KIAA0825: variants seen among roughly 807,000 people sequenced by gnomAD.
KIAA0825 encodes the protein uncharacterized protein KIAA0825.
Under a neutral mutation model 147.6 loss-of-function variants are expected in KIAA0825, and 119 were observed. The observed-to-expected ratio is 0.81, with a 90% CI of 0.69 to 0.94. KIAA0825 has a LOEUF of 0.94. KIAA0825 is among the 40% of genes least tolerant of loss of function. The pLI is 0.00. For missense variants in KIAA0825, 1,381 were observed against 1,472.7 expected, an observed-to-expected ratio of 0.94 and a Z score of 1.02; for synonymous variants, 470 against 518.1, an observed-to-expected ratio of 0.91 and a Z score of 1.26.
intron 20 of KIAA0825, among the ~76,000 whole-genome samples, chr5:94,164,784 G>T (rs1767887487): frequency 6.6e-6 from 1 of 152,038 alleles, no homozygotes; most frequent in Admixed American, 6.6e-5. Flanking sequence ...AATAAATGGT[G>T]CTGGGAAAAC....
intron 20 of KIAA0825, among the ~76,000 whole-genome samples, chr5:94,286,336 ACCT>A (rs995941655): frequency 2.4e-4 from 37 of 151,964 alleles, no homozygotes; most frequent in African/African-American, 8.9e-4. Context: ...TGCCACTCCC[ACCT>A]CCTATTCATC....
At chr5:94,452,351 G>A (rs17326131) in intron 13 of KIAA0825, among the ~76,000 whole-genome samples, 13,939 of 152,160 alleles carry the variant, frequency 0.092, 686 homozygotes, top group Middle Eastern at 0.14. Context: ...AAGAATGTAT[G>A]GGGATTAACA....
intron 1 of KIAA0825, among the ~76,000 whole-genome samples, chr5:94,608,075 C>T (rs1787818491): frequency 6.6e-6 from 1 of 151,728 alleles, no homozygotes; most frequent in Non-Finnish European, 1.5e-5. Flanking sequence ...ACCTTAATTC[C>T]CCTTGGCCAT....
intron 20 of KIAA0825, among the ~76,000 whole-genome samples, chr5:94,154,602 CT>C (rs1304291926): frequency 1.1e-4 from 16 of 152,044 alleles, no homozygotes; most frequent in African/African-American, 3.9e-4. Context: ...CAGTGTATTT[CT>C]TGAAATAAGA....
At chr5:94,218,925 G>C (rs1422925026) in intron 20 of KIAA0825, among the ~76,000 whole-genome samples, 2 of 151,958 alleles carry the variant, frequency 1.3e-5, no homozygotes, top group Admixed American at 6.6e-5. Flanking sequence ...ATTCAGCTTT[G>C]GGGTCTTATT....
chr5:94,373,052 C>G (rs2150466972), intron 20 of KIAA0825, among the ~76,000 whole-genome samples: 1 of 152,304 alleles, frequency 6.6e-6, no homozygotes, highest in Non-Finnish European at 1.5e-5. Flanking sequence ...TCTTGGACCA[C>G]CTCAGCCTGG....
At chr5:94,423,850 G>T (rs919217475) in intron 14 of KIAA0825, among the ~76,000 whole-genome samples, 1 of 152,090 alleles carries the variant, frequency 6.6e-6, no homozygotes, top group African/African-American at 2.4e-5. Flanking sequence ...AGTATCACAA[G>T]AAAATTATTT....
intron 5 of KIAA0825, among the ~76,000 whole-genome samples, chr5:94,516,326 A>G (rs1374486179): frequency 6.6e-6 from 1 of 152,214 alleles, no homozygotes; most frequent in African/African-American, 2.4e-5. Context: ...AGCACAGCAT[A>G]GCACAAATAG....
At chr5:94,191,895 T>C (rs900079216) in intron 20 of KIAA0825, among the ~76,000 whole-genome samples, 7 of 152,216 alleles carry the variant, frequency 4.6e-5, no homozygotes, top group Non-Finnish European at 8.8e-5. Context: ...TACAGATAAA[T>C]GTCTCCCTAT....
intron 20 of KIAA0825, among the ~76,000 whole-genome samples, chr5:94,206,906 C>T (rs977557952): frequency 9.2e-5 from 14 of 152,080 alleles, no homozygotes; most frequent in African/African-American, 2.4e-4. Flanking sequence ...GAGGAACTCG[C>T]GGAAGATCAA....
intron 20 of KIAA0825, among the ~76,000 whole-genome samples, chr5:94,298,932 T>A (rs1301710461): frequency 3.9e-5 from 6 of 152,230 alleles, no homozygotes; most frequent in Middle Eastern, 6.8e-3. Context: ...TTTTATCAGC[T>A]CTTAGGATAG....
chr5:94,283,715 G>C (rs1432717265), intron 20 of KIAA0825, among the ~76,000 whole-genome samples: 2 of 152,044 alleles, frequency 1.3e-5, no homozygotes, highest in Non-Finnish European at 2.9e-5. Flanking sequence ...TTCTCAGTGA[G>C]TCCAATTAGT....
At chr5:94,209,385 T>G (rs1398159401) in intron 20 of KIAA0825, among the ~76,000 whole-genome samples, 1 of 152,208 alleles carries the variant, frequency 6.6e-6, no homozygotes, top group African/African-American at 2.4e-5. Flanking sequence ...CTAAAAATTC[T>G]GTAGTTTGCA....
chr5:94,518,244 A>AACAAC (rs1767574909), intron 5 of KIAA0825, among the ~76,000 whole-genome samples: 1 of 152,198 alleles, frequency 6.6e-6, no homozygotes, highest in African/African-American at 2.4e-5. Context: ...AATATTAGTG[A>AACAAC]ACAACATAGC....
chr5:94,288,758 AAAC>A (rs1346061969), intron 20 of KIAA0825, among the ~76,000 whole-genome samples: 1 of 152,208 alleles, frequency 6.6e-6, no homozygotes, highest in Non-Finnish European at 1.5e-5. Flanking sequence ...TTGCCAAGTC[AAAC>A]AACGTGCCAA....
chr5:94,308,720 T>C (rs1392272554), intron 20 of KIAA0825, among the ~76,000 whole-genome samples: 3 of 151,766 alleles, frequency 2.0e-5, no homozygotes, highest in Non-Finnish European at 2.9e-5. Flanking sequence ...CACTGTGCAG[T>C]GTCTCCTTCC....
intron 2 of KIAA0825, among the ~76,000 whole-genome samples, chr5:94,579,640 G>A (rs192767730): frequency 6.6e-6 from 1 of 152,256 alleles, no homozygotes; most frequent in Non-Finnish European, 1.5e-5. Flanking sequence ...CATAAAGCTG[G>A]CTTGGTCTAT....
At chr5:94,434,662 G>A (rs1035963623) in intron 14 of KIAA0825, among the ~76,000 whole-genome samples, 1 of 152,192 alleles carries the variant, frequency 6.6e-6, no homozygotes, top group African/African-American at 2.4e-5. Flanking sequence ...GGAAGTCCAA[G>A]AGCATGGCGC....
At chr5:94,453,232 G>A (rs1758641676) in intron 12 of KIAA0825, among the ~76,000 whole-genome samples, 163 bp from the exon 13 acceptor site, 1 of 152,094 alleles carries the variant, frequency 6.6e-6, no homozygotes, top group African/African-American at 2.4e-5. Context: ...GAGTGTAGTG[G>A]TGCGATTCCG....
Sources: allele counts gnomAD v4.1 joint callset (sites outside exome capture counted in the v4.1 genomes callset), GRCh38; gene constraint gnomAD v4.1.1; transcripts MANE v1.5; gene names NCBI Gene and HGNC (gene_info 2026-07-23, HGNC 2026-07-21).